TRIM66: variants seen among roughly 807,000 people sequenced by gnomAD.
TRIM66 encodes the protein tripartite motif-containing protein 66.
TRIM66 carries 99 observed loss-of-function variants against 148.2 expected under a neutral mutation model. The observed-to-expected ratio is 0.67, with a 90% confidence interval of 0.57 to 0.79. The LOEUF (loss-of-function observed/expected upper bound fraction) is 0.79, where lower values mean the gene tolerates loss of function less well. TRIM66 is among the 30% of genes least tolerant of loss of function. The pLI is 0.00. For missense variants in TRIM66, 1,666 were observed against 1,697.9 expected (o/e 0.98, Z 0.33); for synonymous variants, 616 against 635.9 (o/e 0.97, Z 0.47).
intron 4 of TRIM66, among the ~76,000 whole-genome samples, chr11:8,673,384 T>C (rs780139608): frequency 1.3e-5 from 2 of 152,204 alleles, no homozygotes; most frequent in African/African-American, 4.8e-5. Flanking sequence ...AATATGATTT[T>C]GGGGGTAGTG....
intron 10 of TRIM66, among the ~76,000 whole-genome samples, chr11:8,646,963 C>CG (rs1056392137): frequency 8.9e-6 from 1 of 112,706 alleles, no homozygotes; most frequent in Non-Finnish European, 1.8e-5. Context: ...TTCTGAGGGC[C>CG]GGGGGGTGTT....
chr11:8,628,703 T>C (rs2035111858), intron 15 of TRIM66, among the ~76,000 whole-genome samples: 1 of 150,030 alleles, frequency 6.7e-6, no homozygotes, highest in Non-Finnish European at 1.5e-5. Context: ...CCTCCATACC[T>C]CTCTGGGCTT....
chr11:8,673,272 C>T (rs1188418002), intron 4 of TRIM66, among the ~76,000 whole-genome samples: 1 of 152,070 alleles, frequency 6.6e-6, no homozygotes, highest in South Asian at 2.1e-4. Context: ...GGTCCACACA[C>T]ATATTTTCAT....
intron 15 of TRIM66, among the ~76,000 whole-genome samples, chr11:8,633,205 C>T (rs1314320848): frequency 6.6e-6 from 1 of 152,020 alleles, no homozygotes; most frequent in Non-Finnish European, 1.5e-5. Flanking sequence ...GCCTGTAATC[C>T]CAGCTACTCA....
chr11:8,664,585 G>GT (rs1265198229), intron 6 of TRIM66, among the ~76,000 whole-genome samples: 2 of 152,148 alleles, frequency 1.3e-5, no homozygotes, highest in Non-Finnish European at 2.9e-5. Context: ...TGCCTGTACA[G>GT]TGTCTGCCAA....
chr11:8,632,399 T>G (rs1159613283), intron 15 of TRIM66, among the ~76,000 whole-genome samples: 1 of 150,772 alleles, frequency 6.6e-6, no homozygotes, highest in Non-Finnish European at 1.5e-5. Flanking sequence ...TGAAACAGAA[T>G]CAGATGGCTG....
intron 15 of TRIM66, among the ~76,000 whole-genome samples, chr11:8,635,481 A>G (rs878961108): frequency 6.6e-6 from 1 of 152,190 alleles, no homozygotes; most frequent in Non-Finnish European, 1.5e-5. Context: ...TTCCTCAAAA[A>G]GAAAGCCCTT....
rs1313872972 is a variant in TRIM66 at position 8,638,800 on chromosome 11, G to T, written c.2164C>A (p.Pro722Thr). ...EETLQATDEP[P>T]ASQGSKPALP... ...GCCGGCTTTGAGCCCTGAGATGCTG[G>T]GGGCTCATCTGTAGCCTGGAGAAGA... Residue 722 changes from proline to threonine, a missense_variant, in exon 15 of 25, where the codon CCA becomes ACA. Physicochemically the swap from Pro to Thr is conservative, Grantham distance 38. Around this residue, in one of 3 missense-constraint regions of TRIM66, gnomAD observed 1,431 missense variants for 1,412.4 expected, o/e 1.01. Transcript: ENST00000646038. The T allele has an allele frequency of 1.3e-6, 2 of 1,551,244 alleles. No individual in the cohort carries two copies. Among genetic ancestry groups the T allele is most frequent in the Non-Finnish European group, 1.7e-6 (2 of 1,146,916 alleles).
chr11:8,657,111 G>A (rs1358277665), intron 6 of TRIM66, among the ~76,000 whole-genome samples: 1 of 152,204 alleles, frequency 6.6e-6, no homozygotes, highest in Non-Finnish European at 1.5e-5. Flanking sequence ...ATGAACAGCA[G>A]GGCCAAGGCA....
chr11:8,670,152 A>G (rs2038852850), intron 6 of TRIM66, among the ~76,000 whole-genome samples: 1 of 151,904 alleles, frequency 6.6e-6, no homozygotes, highest in Non-Finnish European at 1.5e-5. Flanking sequence ...AGCTGGGACT[A>G]TAGGCACGCA....
At chr11:8,664,489 A>G (rs2038464725) in intron 6 of TRIM66, among the ~76,000 whole-genome samples, 1 of 152,174 alleles carries the variant, frequency 6.6e-6, no homozygotes, top group African/African-American at 2.4e-5. Context: ...TAGTCTATAA[A>G]TATCCCAATC....
At chr11:8,682,820 G>A, upstream of TRIM66, 2 of 1,612,466 alleles carry the variant, frequency 1.2e-6, no homozygotes, top group Middle Eastern at 1.7e-4. Context: ...CAACATGGTA[G>A]GTGTTTCGTT....
At position 8,614,010 on chromosome 11, in the gene TRIM66, C is replaced by G. The variant is rs538503445; in HGVS notation, c.*3934G>C. Reference sequence around the variant, plus strand: ...GTGGAAGCAGCAAATATGATGATGCCGAAAATGGAGAATGGCTGATAGTTT... The same window carrying G: ...GTGGAAGCAGCAAATATGATGATGCGGAAAATGGAGAATGGCTGATAGTTT... On this transcript the variant is annotated 3_prime_UTR_variant, in exon 25 of 25. Transcript: ENST00000646038. The G allele has an allele frequency of 6.6e-6, 1 of 152,112 alleles. No individual in the cohort carries two copies. Among genetic ancestry groups the G allele is most frequent in the Non-Finnish European group, 1.5e-5 (1 of 68,060 alleles). 9.4% of individuals were successfully genotyped at this position (152,112 alleles called of 1,614,324 possible). A position where few individuals can be genotyped will look rare whatever the true frequency, so the allele number is the denominator to read the frequency against.
chr11:8,656,232 T>C (rs2037818150), intron 6 of TRIM66, among the ~76,000 whole-genome samples: 2 of 152,270 alleles, frequency 1.3e-5, no homozygotes, highest in Admixed American at 1.3e-4. Flanking sequence ...CTTAGAGCTA[T>C]GTATAATCAA....
At chr11:8,682,952 G>T, upstream of TRIM66, 1 of 1,223,804 alleles carries the variant, frequency 8.2e-7, no homozygotes, top group Non-Finnish European at 1.1e-6. Flanking sequence ...GGGCAGGGTG[G>T]CCGGCGCGGG....
rs184282929 is a variant in TRIM66 at position 8,671,637 on chromosome 11, C to T, written c.340+149G>A. ...GGCATCAAGAGGATTCACTCTGTCT[C>T]ACAGATTCCCCCAAAGATTGCTTTC... On this transcript the variant is annotated intron_variant, in intron 6 of 24. Transcript: ENST00000646038. The T allele has an allele frequency of 4.7e-4, 282 of 603,390 alleles. 2 individuals are homozygous for T. The highest frequency in any genetic ancestry group is 2.2e-4 in the Non-Finnish European group (75 of 337,024). 37.4% of individuals were successfully genotyped at this position (603,390 alleles called of 1,614,324 possible). A position where few individuals can be genotyped will look rare whatever the true frequency, so the allele number is the denominator to read the frequency against.
At chr11:8,618,642 C>T in intron 24 of TRIM66, 108 bp downstream of exon 24, 10 of 1,065,670 alleles carry the variant, frequency 9.4e-6, no homozygotes, top group South Asian at 7.7e-5. Flanking sequence ...TCGTTGTCAC[C>T]ACCATCTTTT....
rs116756366 is a variant in TRIM66 at position 8,678,800 on chromosome 11, C to T, written c.-190+820G>A. Among the ~76,000 whole-genome samples the T allele has an allele frequency of 1.8e-3, 277 of 152,264 alleles. 2 individuals are homozygous for T. Among genetic ancestry groups the T allele is most frequent in the African/African-American group, 6.6e-3 (273 of 41,548 alleles). On this transcript the variant is annotated intron_variant, in intron 3 of 24. Coordinates refer to ENST00000646038, the MANE Select transcript of TRIM66 (RefSeq NM_001388022.1). ...TTGCTGCTATCTGAAGGACTGATGT[C>T]GAATTCAGGAACCCAGTGAGGAGAG...
At position 8,640,861 on chromosome 11, in the gene TRIM66, G is replaced by A; in HGVS notation, c.1514C>T (p.Ser505Phe). The change falls in exon 14 of 25, where the codon TCT (serine) becomes TTT (phenylalanine). Residue 505 changes from serine (S) to phenylalanine (F), a missense_variant. By Grantham distance (155) the Ser-to-Phe change is radical. Coordinates refer to ENST00000646038, the MANE Select transcript of TRIM66 (RefSeq NM_001388022.1). Reference protein sequence around the residue: ...PPEMVPQQLGSLQCSALLPRE... With the variant: ...PPEMVPQQLGFLQCSALLPRE... ...GGGCAGCAGGGCAGAGCACTGCAGA[G>A]ACCCCAGCTGCTGGGGCACCATCTC... is the stretch of plus-strand genomic sequence containing the variant. 2.6e-6 allele frequency: 4 copies of A among 1,550,406 alleles called. No homozygotes were observed. The highest frequency in any genetic ancestry group is 2.0e-4 in the Middle Eastern group (1 of 4,986).
Sources: gnomAD v4.1 joint callset for allele counts (sites outside exome capture counted in the v4.1 genomes callset) on GRCh38, gnomAD v4.1.1 for gene constraint, gnomAD v4.1.1 regional missense constraint, MANE v1.5 for transcripts, NCBI Gene and HGNC (gene_info 2026-07-23, HGNC 2026-07-21) for gene names.